Variants in ASCC3 observed in about 807,000 individuals in gnomAD.
The protein encoded by ASCC3 is ASC-1 complex subunit P200.
In ASCC3, 158 loss-of-function variants were observed where a neutral mutation model predicts 256.3. The observed-to-expected ratio is 0.62, with a 90% CI of 0.54 to 0.70. The LOEUF (loss-of-function observed/expected upper bound fraction) is 0.70, where lower values mean the gene tolerates loss of function less well. ASCC3 is among the 30% of genes least tolerant of loss of function. The probability of loss-of-function intolerance (pLI) is 0.00; values close to 1 mark genes in which losing one functional copy is unlikely to be tolerated. For synonymous variants in ASCC3, 948 were observed against 883.4 expected (o/e 1.07, Z -1.30); for missense variants, 2,259 against 2,626.0 (o/e 0.86, Z 3.05).
At chr6:100,764,599 G>T (rs1781564286) in intron 10 of ASCC3, among the ~76,000 whole-genome samples, 2 of 151,918 alleles carry the variant, frequency 1.3e-5, no homozygotes, top group South Asian at 4.2e-4. Flanking sequence ...TTTGGCTTTG[G>T]GACTCCTTTG....
At chr6:100,875,862 A>G (rs1773977866) in intron 1 of ASCC3, among the ~76,000 whole-genome samples, 1 of 152,086 alleles carries the variant, frequency 6.6e-6, no homozygotes, top group Non-Finnish European at 1.5e-5. Flanking sequence ...ATAGGGAAAA[A>G]ACAAACAAAC....
intron 13 of ASCC3, among the ~76,000 whole-genome samples, chr6:100,687,879 G>T (rs2114979160): frequency 6.6e-6 from 1 of 152,042 alleles, no homozygotes; most frequent in Non-Finnish European, 1.5e-5. Context: ...TCATATGGCG[G>T]TCAATACAGA....
chr6:100,779,884 C>T (rs1782366358), intron 8 of ASCC3, among the ~76,000 whole-genome samples: 1 of 151,974 alleles, frequency 6.6e-6, no homozygotes, highest in African/African-American at 2.4e-5. Flanking sequence ...CAATAGAAGA[C>T]AAAATATCAG....
chr6:100,679,259 T>C (rs1777173948), intron 14 of ASCC3, among the ~76,000 whole-genome samples: 1 of 151,736 alleles, frequency 6.6e-6, no homozygotes, highest in African/African-American at 2.4e-5. Context: ...AATATTAACC[T>C]TAGAAATCAA....
intron 10 of ASCC3, among the ~76,000 whole-genome samples, chr6:100,736,918 C>A (rs1780197771): frequency 6.6e-6 from 1 of 152,102 alleles, no homozygotes; most frequent in South Asian, 2.1e-4. Context: ...GAGGCTGAGG[C>A]AGGCAGACTG....
intron 1 of ASCC3, among the ~76,000 whole-genome samples, chr6:100,879,998 G>C (rs893349603): frequency 1.3e-5 from 2 of 152,178 alleles, no homozygotes; most frequent in Admixed American, 6.5e-5. Flanking sequence ...CACAGAGACT[G>C]TCTCTCTCTT....
At position 100,794,036 on chromosome 6, in the gene ASCC3, C is replaced by T. The variant is rs565534659; in HGVS notation, c.1395+4677G>A. ...AATCAGTCATCAGGTCTTACATACACTAGCAGCTAAATTTCTCTCAGTTGT... is the reference window on the plus strand; with the variant it reads ...AATCAGTCATCAGGTCTTACATACATTAGCAGCTAAATTTCTCTCAGTTGT... On this transcript the variant is annotated intron_variant, in intron 8 of 41. Coordinates refer to ENST00000369162, the MANE Select transcript of ASCC3 (RefSeq NM_006828.4). Among the ~76,000 whole-genome samples, 9 of 152,164 alleles carry T rather than the reference C, an allele frequency of 5.9e-5. No homozygotes were observed. The South Asian group carries it at 1.7e-3, about 28-fold the overall frequency.
At position 100,597,809 on chromosome 6, in the gene ASCC3, G is replaced by GAAAAAAAAAA. The variant is rs369974362; in HGVS notation, c.5303+3991_5303+4000dup. ...TACACAGTGAAACCCCGTCTCTACTGAAAAAAAAAAAAAAATTAGCCGAGC... is the reference window on the plus strand; with the variant it reads ...TACACAGTGAAACCCCGTCTCTACTGAAAAAAAAAAAAAAAAAAAAAAAAATTAGCCGAGC... On this transcript the variant is annotated intron_variant, in intron 34 of 41. Coordinates refer to ENST00000369162, the MANE Select transcript of ASCC3 (RefSeq NM_006828.4). Among the ~76,000 whole-genome samples the GAAAAAAAAAA allele has an allele frequency of 7.0e-4, 62 of 88,578 alleles. 3 individuals carry two copies. Among genetic ancestry groups the GAAAAAAAAAA allele is most frequent in the African/African-American group, 1.7e-3 (36 of 21,652 alleles). The allele number at this position is 88,578 out of a possible 152,430, so 58.1% of individuals were successfully genotyped here. A position where few individuals can be genotyped will look rare whatever the true frequency, so the allele number is the denominator to read the frequency against.
intron 4 of ASCC3, among the ~76,000 whole-genome samples, chr6:100,844,946 A>G (rs1303029935): frequency 6.6e-6 from 1 of 152,176 alleles, no homozygotes; most frequent in Non-Finnish European, 1.5e-5. Context: ...TCCCTGAGGA[A>G]TTATTAAAAT....
chr6:100,615,005 T>A lies in ASCC3; in HGVS notation c.4786-7917A>T, dbSNP rs1360869697. Among the ~76,000 whole-genome samples, 5 of 152,174 alleles carry A rather than the reference T, an allele frequency of 3.3e-5. No individual in the cohort carries two copies. In the East Asian group the frequency reaches 5.8e-4, roughly 18 times the overall value. ...ATATTTCAGCTACTAATTTTTATTT[T>A]TTTTTTCCTTTTCTTAAAAAAAATT... On this transcript the variant is annotated intron_variant, in intron 30 of 41. Coordinates refer to ENST00000369162, the MANE Select transcript of ASCC3 (RefSeq NM_006828.4).
At chr6:100,606,079 T>G (rs1039312223) in intron 32 of ASCC3, among the ~76,000 whole-genome samples, 1 of 151,070 alleles carries the variant, frequency 6.6e-6, no homozygotes, top group Non-Finnish European at 1.5e-5. Context: ...TTCAGCAGAG[T>G]CATTTGATTA....
At chr6:100,630,824 T>TTTTTG (rs1774504104) in intron 26 of ASCC3, among the ~76,000 whole-genome samples, 1 of 152,082 alleles carries the variant, frequency 6.6e-6, no homozygotes. Flanking sequence ...GCAGAACTTA[T>TTTTTG]TTTTGTTTTG....
intron 13 of ASCC3, among the ~76,000 whole-genome samples, chr6:100,695,525 T>C (rs1778042198): frequency 1.3e-5 from 2 of 152,124 alleles, no homozygotes; most frequent in Non-Finnish European, 2.9e-5. Flanking sequence ...AGACAGAGAA[T>C]GTCTTCATTT....
At chr6:100,557,831 A>G (rs562932874) in intron 36 of ASCC3, among the ~76,000 whole-genome samples, 278 of 152,218 alleles carry the variant, frequency 1.8e-3, no homozygotes, top group African/African-American at 6.3e-3. Flanking sequence ...TGTATATTTT[A>G]AAATAAGTAA....
chr6:100,549,723 A>T (rs1215830680), intron 36 of ASCC3, among the ~76,000 whole-genome samples: 1 of 150,442 alleles, frequency 6.6e-6, no homozygotes, highest in Admixed American at 6.6e-5. Flanking sequence ...TCAGAAATCT[A>T]AAAAAAAAAT....
chr6:100,721,661 T>A (rs1320169054), intron 11 of ASCC3, among the ~76,000 whole-genome samples: 1 of 151,742 alleles, frequency 6.6e-6, no homozygotes, highest in Non-Finnish European at 1.5e-5. Context: ...ACCCTGTGTG[T>A]TTTCTGTATG....
At position 100,608,731 on chromosome 6, in the gene ASCC3, T is replaced by TTATATATATA. The variant is rs1169558095; in HGVS notation, c.4786-1653_4786-1644dup. Among the ~76,000 whole-genome samples the TTATATATATA allele has an allele frequency of 1.8e-3, 5 of 2,712 alleles. 1 individual carries two copies. The highest frequency in any genetic ancestry group is 2.2e-3 in the Non-Finnish European group (3 of 1,388). 1.8% of individuals were successfully genotyped at this position (2,712 alleles called of 152,430 possible). ...TATATATATTTTATATATATATACT[T>TTATATATATA]TATATATATATATATATATATATAT... On this transcript the variant is annotated intron_variant, in intron 30 of 41. Coordinates refer to ENST00000369162, the MANE Select transcript of ASCC3 (RefSeq NM_006828.4).
At chr6:100,602,740 A>T (rs548132519) in intron 33 of ASCC3, among the ~76,000 whole-genome samples, 7 of 152,116 alleles carry the variant, frequency 4.6e-5, no homozygotes, top group Admixed American at 2.0e-4. Flanking sequence ...GTACACAAAG[A>T]TAATCAGATG....
At chr6:100,755,067 T>C (rs1781113492) in intron 10 of ASCC3, among the ~76,000 whole-genome samples, 1 of 151,996 alleles carries the variant, frequency 6.6e-6, no homozygotes. Context: ...AATGGACTAA[T>C]ACGAGATCCC....
Sources: gnomAD v4.1 joint callset for allele counts (sites outside exome capture counted in the v4.1 genomes callset) on GRCh38, gnomAD v4.1.1 for gene constraint, MANE v1.5 for transcripts, NCBI Gene and HGNC (gene_info 2026-07-23, HGNC 2026-07-21) for gene names.